Variants in JAK2 observed in about 807,000 individuals in gnomAD.
The protein encoded by JAK2 is Janus kinase 2.
A neutral mutation model predicts 139.3 loss-of-function variants in JAK2; 86 were observed. The ratio of observed to expected loss-of-function variants is 0.62; its 90% CI spans 0.52 to 0.74. The LOEUF (loss-of-function observed/expected upper bound fraction) is 0.74. JAK2 is among the 30% of genes least tolerant of loss of function. JAK2 has a pLI of 0.00. For synonymous variants in JAK2, 490 were observed against 437.7 expected (o/e 1.12, Z -1.49); for missense variants, 1,421 against 1,360.3 (o/e 1.04, Z -0.70).
chr9:5,061,136 T>G (rs138996902), intron 8 of JAK2, among the ~76,000 whole-genome samples: 1 of 152,218 alleles, frequency 6.6e-6, no homozygotes, highest in Non-Finnish European at 1.5e-5. Flanking sequence ...GTTGTTCCAT[T>G]TATAGAGCAC....
intron 2 of JAK2, among the ~76,000 whole-genome samples, chr9:4,988,099 C>T (rs1221784508): frequency 1.3e-5 from 2 of 152,160 alleles, no homozygotes; most frequent in African/African-American, 4.8e-5. Context: ...TGTGCTGCCC[C>T]CTTGTGGTTA....
At chr9:4,997,268 C>G (rs766904533) in intron 2 of JAK2, among the ~76,000 whole-genome samples, 1 of 152,046 alleles carries the variant, frequency 6.6e-6, no homozygotes, top group Non-Finnish European at 1.5e-5. Flanking sequence ...AAAGAAATAC[C>G]TGAGGCTGAG....
chr9:5,100,488 C>A (rs369300964), intron 22 of JAK2: 12 of 152,288 alleles, frequency 7.9e-5, no homozygotes, highest in African/African-American at 2.6e-4. Flanking sequence ...TGGAATAATT[C>A]TATTTATTAT....
At chr9:5,007,728 T>TG (rs1157631484) in intron 2 of JAK2, among the ~76,000 whole-genome samples, 1 of 151,134 alleles carries the variant, frequency 6.6e-6, no homozygotes, top group Non-Finnish European at 1.5e-5. Context: ...ATATTGTCTT[T>TG]TTTTTTTTTG....
At chr9:5,068,042 C>A (rs1304368534) in intron 10 of JAK2, among the ~76,000 whole-genome samples, 1 of 151,872 alleles carries the variant, frequency 6.6e-6, no homozygotes, top group Admixed American at 6.6e-5. Context: ...CACCTGTAGT[C>A]CCAGCTACTC....
chr9:5,084,364 C>A (rs1400752980), intron 19 of JAK2, among the ~76,000 whole-genome samples: 1 of 152,116 alleles, frequency 6.6e-6, no homozygotes, highest in Non-Finnish European at 1.5e-5. Flanking sequence ...CTGAAACAAT[C>A]AAAATGCCAT....
intron 19 of JAK2, among the ~76,000 whole-genome samples, chr9:5,087,999 C>G (rs781410945): frequency 3.4e-4 from 51 of 152,062 alleles, no homozygotes; most frequent in Non-Finnish European, 5.7e-4. Context: ...ATTTTATGAA[C>G]ACATTGTTAA....
At chr9:4,990,438 T>G (rs1031463536) in intron 2 of JAK2, among the ~76,000 whole-genome samples, 7 of 152,156 alleles carry the variant, frequency 4.6e-5, no homozygotes, top group African/African-American at 1.7e-4. Flanking sequence ...TATGTTGAGT[T>G]TGCGGTGGCC....
At chr9:5,022,249 A>C in intron 3 of JAK2, 36 bp downstream of exon 3, 4 of 1,450,612 alleles carry the variant, frequency 2.8e-6, no homozygotes, top group Non-Finnish European at 3.9e-6. Context: ...CTTTTTATGC[A>C]TGGATTGTTT....
In JAK2 at chr9:4,995,486, A is replaced by G. The variant is rs144470130; in HGVS notation, c.-26+9464A>G. Among the ~76,000 whole-genome samples the G allele has an allele frequency of 1.8e-3, 275 of 152,330 alleles. 1 individual carries two copies. The highest frequency in any genetic ancestry group is 6.4e-3 in the African/African-American group (267 of 41,584). ...ACTTTTTTCCCCTAGATGGTTGTCC[A>G]GTTTCAATACTATTTGTCAGATAAT... is the stretch of plus-strand genomic sequence containing the variant. On this transcript the variant is annotated intron_variant, in intron 2 of 24. Transcript: ENST00000381652.
chr9:5,051,992 C>T (rs1817446679), intron 6 of JAK2, among the ~76,000 whole-genome samples: 1 of 151,982 alleles, frequency 6.6e-6, no homozygotes, highest in Non-Finnish European at 1.5e-5. Flanking sequence ...TTCATTCATT[C>T]AACAGCTACT....
intron 5 of JAK2, among the ~76,000 whole-genome samples, chr9:5,045,488 G>C (rs1015465791): frequency 1.3e-5 from 2 of 152,130 alleles, no homozygotes; most frequent in African/African-American, 2.4e-5. Flanking sequence ...ATACATTGCT[G>C]TACAACCATC....
intron 18 of JAK2, 108 bp from the exon 19 acceptor site, chr9:5,081,617 T>G (rs181374296): frequency 2.9e-6 from 2 of 694,596 alleles, no homozygotes; most frequent in Non-Finnish European, 2.4e-6. Context: ...CCCTGTATCA[T>G]TTAGTATTTT....
At chr9:5,115,941 AG>A (rs1378072885) in intron 22 of JAK2, among the ~76,000 whole-genome samples, 2 of 152,300 alleles carry the variant, frequency 1.3e-5, no homozygotes, top group Admixed American at 1.3e-4. Flanking sequence ...TAGCTTTAAG[AG>A]AAATACCTAA....
intron 8 of JAK2, among the ~76,000 whole-genome samples, chr9:5,061,171 C>T (rs1281317284): frequency 6.6e-6 from 1 of 152,174 alleles, no homozygotes; most frequent in Non-Finnish European, 1.5e-5. Context: ...TAGCATAATT[C>T]GCAGAGCCCT....
intron 8 of JAK2, among the ~76,000 whole-genome samples, chr9:5,056,124 G>T (rs1237077543): frequency 6.6e-6 from 1 of 151,936 alleles, no homozygotes; most frequent in Non-Finnish European, 1.5e-5. Flanking sequence ...TTTATCAACA[G>T]GGATGTATAT....
intron 2 of JAK2, among the ~76,000 whole-genome samples, chr9:4,989,871 T>C (rs1215167926): frequency 6.6e-6 from 1 of 152,232 alleles, no homozygotes; most frequent in East Asian, 1.9e-4. Flanking sequence ...AATTTGATTA[T>C]GGATGTCTTT....
chr9:5,050,855 A>T, intron 6 of JAK2, 24 bp downstream of exon 6: 1 of 1,591,516 alleles, frequency 6.3e-7, no homozygotes, highest in Non-Finnish European at 8.6e-7. Context: ...GCAAATCCTT[A>T]CACATAAGTG....
Position 5,050,817 on chromosome 9 carries a change from C to T in JAK2, c.600C>T (p.Ile200=), listed in dbSNP as rs1244546466. The T allele has an allele frequency of 6.2e-7, 1 of 1,613,216 alleles. No homozygotes were observed. The highest frequency in any genetic ancestry group is 1.3e-5 in the African/African-American group (1 of 74,978). Residue 200 remains isoleucine, a synonymous_variant, in exon 6 of 25, where the codon ATC becomes ATT. Coordinates refer to ENST00000381652, the MANE Select transcript of JAK2 (RefSeq NM_004972.4). ...AAAACGATCAAACCCCACTGGCCAT[C>T]TATAACTCTATCAGGTAATTTTCTT... The part of the protein sequence containing the change: ...AKENDQTPLA[I]YNSISYKTFL...
Sources: gnomAD v4.1 joint callset for allele counts (sites outside exome capture counted in the v4.1 genomes callset) on GRCh38, gnomAD v4.1.1 for gene constraint, MANE v1.5 for transcripts, NCBI Gene and HGNC (gene_info 2026-07-23, HGNC 2026-07-21) for gene names.